Variants in DCC observed in about 807,000 individuals in gnomAD.
DCC encodes netrin receptor DCC.
A neutral mutation model predicts 172.5 loss-of-function variants in DCC; 58 were observed. The ratio of observed to expected loss-of-function variants is 0.34; its 90% confidence interval spans 0.27 to 0.42. The LOEUF is 0.42. Among genes scored for constraint, DCC ranks in the 10% least tolerant of loss-of-function variants. DCC has a pLI of 1.00. For synonymous variants in DCC, 709 were observed against 644.5 expected (o/e 1.10, Z -1.52); for missense variants, 1,740 against 1,791.0 (o/e 0.97, Z 0.51).
intron 2 of DCC, among the ~76,000 whole-genome samples, chr18:52,883,916 T>G (rs533905032): frequency 6.6e-6 from 1 of 151,722 alleles, no homozygotes; most frequent in South Asian, 2.1e-4. Context: ...CTAAGTTTTG[T>G]GTATCTAGGA....
At chr18:52,995,559 T>C (rs927812548) in intron 5 of DCC, among the ~76,000 whole-genome samples, 2 of 152,008 alleles carry the variant, frequency 1.3e-5, no homozygotes, top group African/African-American at 4.8e-5. Context: ...GCTCTTCCCC[T>C]TCCATTCCCT....
intron 1 of DCC, among the ~76,000 whole-genome samples, chr18:52,530,843 G>C (rs2032128932): frequency 6.6e-6 from 1 of 152,138 alleles, no homozygotes; most frequent in Non-Finnish European, 1.5e-5. Flanking sequence ...AGGCAAATGA[G>C]AGAAGATGCC....
chr18:52,901,447 A>G (rs1481450937), intron 2 of DCC, among the ~76,000 whole-genome samples: 1 of 152,146 alleles, frequency 6.6e-6, no homozygotes, highest in Non-Finnish European at 1.5e-5. Flanking sequence ...AAATAAATAA[A>G]TAAATAAATA....
At chr18:52,770,557 T>C (rs1242506669) in intron 2 of DCC, among the ~76,000 whole-genome samples, 3 of 152,206 alleles carry the variant, frequency 2.0e-5, no homozygotes, top group Non-Finnish European at 4.4e-5. Flanking sequence ...TGCTGTTGTA[T>C]TCACAGTGGG....
At chr18:53,052,369 ATC>A (rs2042345195) in intron 5 of DCC, among the ~76,000 whole-genome samples, 1 of 151,756 alleles carries the variant, frequency 6.6e-6, no homozygotes, top group Non-Finnish European at 1.5e-5. Flanking sequence ...CTTAAATTAA[ATC>A]TCTCTCTTCT....
intron 1 of DCC, among the ~76,000 whole-genome samples, chr18:52,428,839 T>C (rs1157390412): frequency 6.6e-6 from 1 of 152,094 alleles, no homozygotes; most frequent in Non-Finnish European, 1.5e-5. Flanking sequence ...CTGGAAACAC[T>C]GGTGAAATGC....
chr18:52,398,609 T>A (rs1427563793), intron 1 of DCC, among the ~76,000 whole-genome samples: 1 of 151,950 alleles, frequency 6.6e-6, no homozygotes. Flanking sequence ...AGGCAACATA[T>A]ATGGTCTTAT....
intron 1 of DCC, among the ~76,000 whole-genome samples, chr18:52,721,967 T>G (rs1484323390): frequency 6.6e-6 from 1 of 152,148 alleles, no homozygotes; most frequent in Non-Finnish European, 1.5e-5. Flanking sequence ...GAGGTTGCAG[T>G]GAGCCGAGAT....
intron 1 of DCC, among the ~76,000 whole-genome samples, chr18:52,453,655 C>T (rs181082931): frequency 6.6e-6 from 1 of 152,184 alleles, no homozygotes; most frequent in East Asian, 1.9e-4. Flanking sequence ...TGCCTTTAAC[C>T]CTCTATTATT....
intron 1 of DCC, among the ~76,000 whole-genome samples, chr18:52,699,155 A>G (rs2036063276): frequency 6.6e-6 from 1 of 152,228 alleles, no homozygotes; most frequent in Admixed American, 6.5e-5. Flanking sequence ...CCACAAATAT[A>G]TAGGATCAGA....
intron 1 of DCC, among the ~76,000 whole-genome samples, chr18:52,584,892 G>A (rs2033636992): frequency 6.6e-6 from 1 of 151,928 alleles, no homozygotes; most frequent in South Asian, 2.1e-4. Flanking sequence ...CAATGCTATG[G>A]CATAAACCTT....
intron 1 of DCC, among the ~76,000 whole-genome samples, chr18:52,696,825 T>C (rs9965045): frequency 0.23 from 35,637 of 152,102 alleles, 4,897 homozygotes; most frequent in South Asian, 0.4. Context: ...TATAGTCAGG[T>C]GAATGTCTTG....
At chr18:53,007,590 C>T (rs2041664880) in intron 5 of DCC, among the ~76,000 whole-genome samples, 2 of 151,978 alleles carry the variant, frequency 1.3e-5, no homozygotes, top group South Asian at 4.1e-4. Flanking sequence ...AAAAACTAAA[C>T]TTCCTGTAAT....
chr18:52,848,608 A>G (rs1047017777), intron 2 of DCC, among the ~76,000 whole-genome samples: 17 of 152,036 alleles, frequency 1.1e-4, no homozygotes, highest in African/African-American at 4.1e-4. Flanking sequence ...GGAGTTTCGC[A>G]TGTTTATTTA....
In DCC at chr18:53,450,655, C is replaced by T; in HGVS notation, c.3385C>T (p.Gln1129Ter). ...TTGCACCCGACGCTCTTCAGCCCAG[C>T]AGAGAAAGTAGGTAACAGCTGGTTC... ...VICTRRSSAQQRKKRATHSAG... is the reference protein window; with the variant it reads ...VICTRRSSAQ Residue 1129 changes from glutamine (Q) to a stop codon, truncating the protein, a stop_gained, in exon 23 of 29, where the codon CAG (glutamine) becomes TAG (stop). Coordinates refer to ENST00000442544, the MANE Select transcript of DCC (RefSeq NM_005215.4). LOFTEE classifies it high-confidence loss of function. 1 of 1,613,048 alleles carries T rather than the reference C, an allele frequency of 6.2e-7. No individual in the cohort carries two copies.
intron 21 of DCC, among the ~76,000 whole-genome samples, chr18:53,427,422 T>A (rs1181779924): frequency 6.6e-6 from 1 of 152,116 alleles, no homozygotes; most frequent in Admixed American, 6.6e-5. Context: ...TATTAAGAAT[T>A]CAATTGTTAT....
intron 1 of DCC, among the ~76,000 whole-genome samples, chr18:52,505,217 T>TA (rs35716754): frequency 0.3 from 44,918 of 152,022 alleles, 6,791 homozygotes; most frequent in East Asian, 0.43. Context: ...AGCAGCATTT[T>TA]ATTCAGTTTC....
At chr18:52,712,346 T>C in intron 1 of DCC, among the ~76,000 whole-genome samples, 1 of 152,336 alleles carries the variant, frequency 6.6e-6, no homozygotes, top group East Asian at 1.9e-4. Context: ...TTTTATATTG[T>C]AATATATTAT....
chr18:52,996,388 G>T (rs887069442), intron 5 of DCC, among the ~76,000 whole-genome samples: 3 of 152,008 alleles, frequency 2.0e-5, no homozygotes, highest in Admixed American at 2.0e-4. Flanking sequence ...GGGGAATTAT[G>T]ATTGCTTTCA....
Sources: gnomAD v4.1 joint callset for allele counts (sites outside exome capture counted in the v4.1 genomes callset) on GRCh38, gnomAD v4.1.1 for gene constraint, MANE v1.5 for transcripts, NCBI Gene and HGNC (gene_info 2026-07-23, HGNC 2026-07-21) for gene names.